Variants in NCAN observed in about 807,000 individuals in gnomAD.
NCAN encodes neurocan.
NCAN carries 47 observed loss-of-function variants against 121.8 expected under a neutral mutation model. That is an observed-to-expected ratio of 0.39 (90% CI 0.31 to 0.49). The LOEUF (loss-of-function observed/expected upper bound fraction) is 0.49. Ranked by LOEUF, NCAN falls within the 20% of genes least tolerant of loss-of-function variation. The probability of loss-of-function intolerance (pLI) is 0.92; values close to 1 mark genes in which losing one functional copy is unlikely to be tolerated. For missense variants in NCAN, 1,517 were observed against 1,773.4 expected, an observed-to-expected ratio of 0.86 and a Z score of 2.60; for synonymous variants, 633 against 702.0, an observed-to-expected ratio of 0.90 and a Z score of 1.55.
At position 19,238,145 on chromosome 19, in the gene NCAN, C is replaced by T. The variant is rs1431157952; in HGVS notation, c.3251-108C>T. ...CATGGGGAGAGGGGTGATTTCGCCCCGCAGTGACCTTGGATTGGGCCCTCT... is the reference window on the plus strand; with the variant it reads ...CATGGGGAGAGGGGTGATTTCGCCCTGCAGTGACCTTGGATTGGGCCCTCT... On this transcript the variant is annotated intron_variant, in intron 10 of 14. Transcript: ENST00000252575. 3.0e-5 allele frequency: 44 copies of T among 1,457,350 alleles called. No homozygotes were observed. The Admixed American group carries it at 4.0e-4, about 13-fold the overall frequency. The allele number at this position is 1,457,350 out of a possible 1,614,324, so 90.3% of individuals were successfully genotyped here.
chr19:19,225,277 G>T lies in NCAN; in HGVS notation c.1072+7G>T, dbSNP rs773826592. On this transcript the variant is annotated splice_region_variant and intron_variant, in intron 6 of 14. Coordinates refer to ENST00000252575, the MANE Select transcript of NCAN (RefSeq NM_004386.3). The surrounding 1 kb of genome is among the most constrained non-coding windows in gnomAD (Gnocchi z 4.0). ...GACGCCTACTGCTTCCGAGGTGCGT[G>T]CGTCCCCTGGTGGCCGCGCCCCCAG... The T allele has an allele frequency of 8.6e-6, 13 of 1,516,436 alleles. No individual in the cohort carries two copies. Among genetic ancestry groups the T allele is most frequent in the Non-Finnish European group, 1.1e-5 (13 of 1,148,236 alleles). 93.9% of individuals were successfully genotyped at this position (1,516,436 alleles called of 1,614,324 possible).
At chr19:19,228,930 G>A (rs1423359462) in intron 8 of NCAN, among the ~76,000 whole-genome samples, 1 of 152,182 alleles carries the variant, frequency 6.6e-6, no homozygotes, top group African/African-American at 2.4e-5. Context: ...GTGAGTGGCC[G>A]GGCATGGTGC....
intron 10 of NCAN, among the ~76,000 whole-genome samples, chr19:19,236,141 A>G (rs138400481): frequency 1.3e-5 from 2 of 152,264 alleles, no homozygotes; most frequent in East Asian, 3.9e-4. Flanking sequence ...TCAACACCCC[A>G]GAAGGAAACT....
rs1160880410 is a variant in NCAN, at chr19:19,243,508, T to C, written c.3493-1805T>C. On this transcript the variant is annotated intron_variant, in intron 12 of 14. Transcript: ENST00000252575. ...TCCAGCCTGGGCGACAGAGAGAGAC[T>C]CCATCTCAAAAAAAAAAAAAAAAAA... is the stretch of plus-strand genomic sequence containing the variant. Among the ~76,000 whole-genome samples, 4 of 107,176 alleles carry C rather than the reference T, an allele frequency of 3.7e-5. No homozygotes were observed. The East Asian group carries it at 8.3e-4, about 22-fold the overall frequency. The allele number at this position is 107,176 out of a possible 152,430, so 70.3% of individuals were successfully genotyped here. A position where few individuals can be genotyped will look rare whatever the true frequency, so the allele number is the denominator to read the frequency against.
chr19:19,240,765 A>C (rs2060900595), intron 12 of NCAN, 80 bp downstream of exon 12: 5 of 1,424,544 alleles, frequency 3.5e-6, no homozygotes, highest in Non-Finnish European at 4.9e-6. Flanking sequence ...CTTTTGTGCA[A>C]AGTTATCGCA....
chr19:19,245,706 G>A (rs895645727), intron 13 of NCAN, among the ~76,000 whole-genome samples: 3 of 152,128 alleles, frequency 2.0e-5, no homozygotes, highest in Admixed American at 2.0e-4. Context: ...CCGAACTCCT[G>A]GGCTCAAGCG....
In NCAN at chr19:19,251,090, A is replaced by T. The variant is rs1300043383; in HGVS notation, c.*1179A>T. The T allele has an allele frequency of 1.3e-5, 2 of 152,194 alleles. No individual in the cohort carries two copies. Among genetic ancestry groups the T allele is most frequent in the Admixed American group, 1.3e-4 (2 of 15,270 alleles). 9.4% of individuals were successfully genotyped at this position (152,194 alleles called of 1,614,324 possible). On this transcript the variant is annotated 3_prime_UTR_variant, in exon 15 of 15. Transcript: ENST00000252575. The stretch of plus-strand genomic sequence containing the variant: ...AAAAGGTCTCTCCACACCAGGGGCC[A>T]GGATCCAGTTCCCTCATCTCTGGCA...
At chr19:19,239,573 C>T (rs552106033) in intron 11 of NCAN, among the ~76,000 whole-genome samples, 1 of 123,262 alleles carries the variant, frequency 8.1e-6, no homozygotes, top group Non-Finnish European at 1.7e-5. Context: ...TCCATCCTCC[C>T]TCCCCTCCTC....
At chr19:19,246,317 C>A (rs2060924380) in intron 13 of NCAN, among the ~76,000 whole-genome samples, 1 of 152,076 alleles carries the variant, frequency 6.6e-6, no homozygotes, top group Non-Finnish European at 1.5e-5. Context: ...GGATTACAAG[C>A]ATGAGCCACT....
Position 19,212,540 on chromosome 19 carries a change from G to T in NCAN, c.-8+476G>T, listed in dbSNP as rs1331587815. ...CCGGGCCGGACTGCAGTGGGGAGGG[G>T]GCCCCCAGATCACCCTGTGCCCAAT... On this transcript the variant is annotated intron_variant, in intron 1 of 14. Coordinates refer to ENST00000252575, the MANE Select transcript of NCAN (RefSeq NM_004386.3). The surrounding 1 kb of genome is among the most constrained non-coding windows in gnomAD (Gnocchi z 4.5). Among the ~76,000 whole-genome samples, 3 of 152,154 alleles carry T rather than the reference G, an allele frequency of 2.0e-5. No homozygotes were observed. Among genetic ancestry groups the T allele is most frequent in the Non-Finnish European group, 2.9e-5 (2 of 68,014 alleles).
intron 1 of NCAN, among the ~76,000 whole-genome samples, chr19:19,213,676 T>A (rs1479754672): frequency 6.6e-6 from 1 of 152,038 alleles, no homozygotes; most frequent in East Asian, 1.9e-4. Context: ...GTCCCGCTTG[T>A]GTATCTGGAG....
chr19:19,225,890 T>C lies in NCAN; in HGVS notation c.1073-596T>C, dbSNP rs993382436. ...ACAGGCAGACCCAAGTTCATGAGAGTTGGACACTACCTGAGCTTTGCCCAT... is the reference window on the plus strand; with the variant it reads ...ACAGGCAGACCCAAGTTCATGAGAGCTGGACACTACCTGAGCTTTGCCCAT... On this transcript the variant is annotated intron_variant, in intron 6 of 14. Transcript: ENST00000252575. The surrounding 1 kb of genome is among the most constrained non-coding windows in gnomAD (Gnocchi z 4.0). Among the ~76,000 whole-genome samples the C allele has an allele frequency of 6.6e-6, 1 of 152,026 alleles. No homozygotes were observed. The highest frequency in any genetic ancestry group is 1.5e-5 in the Non-Finnish European group (1 of 67,988).
chr19:19,219,490 T>C lies in NCAN; in HGVS notation c.475+174T>C, dbSNP rs992464578. Among the ~76,000 whole-genome samples the C allele has an allele frequency of 4.0e-5, 6 of 151,324 alleles. No homozygotes were observed. In the South Asian group the frequency reaches 1.3e-3, roughly 32 times the overall value. ...CGGGTGGATTGCTTGAGCACAGGAG[T>C]TCGAGACCAGCCTGGGTAACATGGT... is the stretch of plus-strand genomic sequence containing the variant. On this transcript the variant is annotated intron_variant, in intron 3 of 14. Transcript: ENST00000252575.
Position 19,227,305 on chromosome 19 carries a change from C to T in NCAN, c.1685C>T (p.Pro562Leu). 6.3e-7 allele frequency: 1 copy of T among 1,584,286 alleles called. No individual in the cohort carries two copies. The highest frequency in any genetic ancestry group is 8.6e-7 in the Non-Finnish European group (1 of 1,164,752). Residue 562 changes from proline (P) to leucine (L), a missense_variant, in exon 8 of 15, where the codon CCA becomes CTA. By Grantham distance (98) the Pro-to-Leu change is moderately conservative. Transcript: ENST00000252575. The surrounding 1 kb of genome is among the most constrained non-coding windows in gnomAD (Gnocchi z 4.2). ...GAGSAGGKSS[P>L]EPWLWPPTMV... ...GGTTCTGCTGGTGGCAAGAGCTCCC[C>T]AGAGCCCTGGCTGTGGCCCCCTACC...
At chr19:19,221,051 A>AG (rs2060815013) in intron 3 of NCAN, among the ~76,000 whole-genome samples, 2 of 150,944 alleles carry the variant, frequency 1.3e-5, no homozygotes, top group Non-Finnish European at 3.0e-5. Context: ...TGGGCAACAT[A>AG]GTGAGACCTT....
chr19:19,244,154 C>G (rs2060915106), intron 12 of NCAN, among the ~76,000 whole-genome samples: 1 of 152,224 alleles, frequency 6.6e-6, no homozygotes, highest in South Asian at 2.1e-4. Flanking sequence ...TGGTCCCTCT[C>G]TACTCTCTGA....
At chr19:19,223,644 TGTATTTTTA>T (rs2060824696) in intron 3 of NCAN, among the ~76,000 whole-genome samples, 1 of 152,076 alleles carries the variant, frequency 6.6e-6, no homozygotes, top group African/African-American at 2.4e-5. Context: ...AGCTATTTTT[TGTATTTTTA>T]GTAGAGACAG....
At position 19,226,566 on chromosome 19, in the gene NCAN, C is replaced by T. The variant is rs569120067; in HGVS notation, c.1153C>T (p.Pro385Ser). 34 of 1,613,570 alleles carry T rather than the reference C, an allele frequency of 2.1e-5. No homozygotes were observed. The highest frequency in any genetic ancestry group is 2.3e-5 in the Non-Finnish European group (27 of 1,179,734). ...GGGGGAGATTCTGTCAGCAGAGGGG[C>T]CCCCAGTTAGAGAACTGGAGCCCAC... is the stretch of plus-strand genomic sequence containing the variant. ...DEGEILSAEG[P>S]PVRELEPTLE... is the part of the protein sequence containing the mutation. The change falls in exon 7 of 15, where the codon CCC becomes TCC. Residue 385 changes from proline to serine, a missense_variant. By Grantham distance (74) the Pro-to-Ser change is moderately conservative. Transcript: ENST00000252575.
chr19:19,249,790 G>A lies in NCAN; in HGVS notation c.3845G>A (p.Arg1282Gln), dbSNP rs201487482. Residue 1282 changes from arginine (R) to glutamine (Q), a missense_variant, in exon 15 of 15, where the codon CGA (arginine) becomes CAA (glutamine). Arg to Gln is a conservative substitution (Grantham distance 43). Coordinates refer to ENST00000252575, the MANE Select transcript of NCAN (RefSeq NM_004386.3). ...TKPRRSHRMRRHHHHHQHHHQ... is the reference protein window; with the variant it reads ...TKPRRSHRMRQHHHHHQHHHQ... ...GCCAGACGTTCACATCGGATGCGGCGACACCACCACCACCACCAACACCAC... is the reference window on the plus strand; with the variant it reads ...GCCAGACGTTCACATCGGATGCGGCAACACCACCACCACCACCAACACCAC... 1.8e-5 allele frequency: 29 copies of A among 1,607,568 alleles called. No individual in the cohort carries two copies. In the East Asian group the frequency reaches 4.2e-4, roughly 24 times the overall value.
Sources: gnomAD v4.1 joint callset for allele counts (sites outside exome capture counted in the v4.1 genomes callset) on GRCh38, gnomAD v4.1.1 for gene constraint, Gnocchi (gnomAD v3.1) non-coding constraint, MANE v1.5 for transcripts, NCBI Gene and HGNC (gene_info 2026-07-23, HGNC 2026-07-21) for gene names.